The following PACSIN2 variants were observed in gnomAD, a reference collection of about 807,000 sequenced individuals.
PACSIN2 encodes protein kinase C and casein kinase substrate in neurons protein 2.
In PACSIN2, 25 loss-of-function variants were observed where a neutral mutation model predicts 63.8. The ratio of observed to expected loss-of-function variants is 0.39; its 90% CI spans 0.29 to 0.55. The LOEUF is 0.55. PACSIN2 is among the 20% of genes least tolerant of loss of function. PACSIN2 has a pLI of 0.62. For synonymous variants in PACSIN2, 255 were observed against 256.2 expected (o/e 1.00, Z 0.05); for missense variants, 518 against 646.9 (o/e 0.80, Z 2.16).
At position 42,870,884 on chromosome 22, in the gene PACSIN2, A is replaced by T. The variant is rs1339973432; in HGVS notation, c.*473T>A. On this transcript the variant is annotated 3_prime_UTR_variant, in exon 11 of 11. Coordinates refer to ENST00000263246, the MANE Select transcript of PACSIN2 (RefSeq NM_001184970.3). Reference sequence around the variant, plus strand: ...TGCGCATCAATCTGTGCCATAATTTAAGTAGAAATGAACAGGTGTATAAAA... The same window carrying T: ...TGCGCATCAATCTGTGCCATAATTTTAGTAGAAATGAACAGGTGTATAAAA... The T allele has an allele frequency of 1.2e-5, 2 of 165,084 alleles. No individual in the cohort carries two copies. The highest frequency in any genetic ancestry group is 2.7e-5 in the Non-Finnish European group (2 of 74,748). 10.2% of individuals were successfully genotyped at this position (165,084 alleles called of 1,614,324 possible).
intron 2 of PACSIN2, among the ~76,000 whole-genome samples, chr22:42,906,632 G>A (rs115607093): frequency 9.3e-4 from 142 of 152,256 alleles, no homozygotes; most frequent in African/African-American, 3.4e-3. Flanking sequence ...TTTTCTCACT[G>A]GCTTAGAAGG....
chr22:42,930,820 A>G (rs1170068688), intron 1 of PACSIN2, among the ~76,000 whole-genome samples: 2 of 152,232 alleles, frequency 1.3e-5, no homozygotes, highest in Non-Finnish European at 2.9e-5. Context: ...TCACACAACT[A>G]GTAAGGGGCA....
chr22:42,934,683 C>G (rs1376170419), intron 1 of PACSIN2, among the ~76,000 whole-genome samples: 1 of 152,222 alleles, frequency 6.6e-6, no homozygotes, highest in African/African-American at 2.4e-5. Context: ...GACCCTTTGC[C>G]CACCACTGTC....
intron 1 of PACSIN2, among the ~76,000 whole-genome samples, chr22:42,980,477 T>C (rs1204699814): frequency 9.7e-4 from 138 of 142,484 alleles, no homozygotes; most frequent in African/African-American, 3.5e-3. Flanking sequence ...CCTCTCCCTC[T>C]CCCTCTCCCC....
intron 2 of PACSIN2, among the ~76,000 whole-genome samples, chr22:42,903,167 C>A (rs1287425195): frequency 6.6e-6 from 1 of 152,178 alleles, no homozygotes; most frequent in Non-Finnish European, 1.5e-5. Context: ...AACCCACGTC[C>A]CAGGCAGCTA....
chr22:42,915,118 T>C (rs1311087369), intron 1 of PACSIN2, among the ~76,000 whole-genome samples: 2 of 152,180 alleles, frequency 1.3e-5, no homozygotes, highest in African/African-American at 4.8e-5. Flanking sequence ...TCCTCCTGCC[T>C]TGGCCTCCCA....
chr22:43,003,673 C>T (rs112471921), intron 1 of PACSIN2, among the ~76,000 whole-genome samples: 1 of 152,206 alleles, frequency 6.6e-6, no homozygotes, highest in Admixed American at 6.5e-5. Context: ...GATATCACAA[C>T]GTTGACAAAA....
chr22:43,002,787 A>G (rs928762531), intron 1 of PACSIN2, among the ~76,000 whole-genome samples: 16 of 152,242 alleles, frequency 1.1e-4, no homozygotes, highest in African/African-American at 3.6e-4. Context: ...GAAATAACCT[A>G]AAATGTCCAG....
In PACSIN2 at chr22:42,874,639, T is replaced by C. The variant is rs568008582; in HGVS notation, c.1348+1498A>G. Reference sequence around the variant, plus strand: ...GGCTTCTCTGGCAGTTGGGGACCCCTAGAGAAAGGCTTCTCTCATGGCCCT... The same window carrying C: ...GGCTTCTCTGGCAGTTGGGGACCCCCAGAGAAAGGCTTCTCTCATGGCCCT... On this transcript the variant is annotated intron_variant, in intron 10 of 10. Transcript: ENST00000263246. 3.4e-4 allele frequency among the ~76,000 whole-genome samples: 52 copies of C among 152,290 alleles called. No homozygotes were observed. The South Asian group carries it at 9.7e-3, about 29-fold the overall frequency.
intron 4 of PACSIN2, among the ~76,000 whole-genome samples, chr22:42,890,691 GGAGA>G (rs377688332): frequency 6.6e-6 from 1 of 152,178 alleles, no homozygotes; most frequent in Non-Finnish European, 1.5e-5. Flanking sequence ...CTCCAGCCTG[GGAGA>G]GAGAGTGAGA....
At chr22:42,939,691 C>T (rs957805938) in intron 1 of PACSIN2, among the ~76,000 whole-genome samples, 8 of 152,160 alleles carry the variant, frequency 5.3e-5, no homozygotes, top group Non-Finnish European at 8.8e-5. Context: ...TTCTTGTGCC[C>T]GCTCTGGCTT....
At chr22:43,011,213 C>T (rs1924467830) in intron 1 of PACSIN2, among the ~76,000 whole-genome samples, 1 of 152,212 alleles carries the variant, frequency 6.6e-6, no homozygotes, top group Non-Finnish European at 1.5e-5. Context: ...GGAATGCAAA[C>T]TGCCTTCGTA....
At chr22:42,971,347 G>A (rs914634638) in intron 1 of PACSIN2, among the ~76,000 whole-genome samples, 2 of 152,220 alleles carry the variant, frequency 1.3e-5, no homozygotes, top group Non-Finnish European at 2.9e-5. Flanking sequence ...TCAGCCTCCC[G>A]AGGTGCCAGG....
intron 2 of PACSIN2, among the ~76,000 whole-genome samples, chr22:42,906,211 C>A (rs1265919902): frequency 6.6e-6 from 1 of 152,248 alleles, no homozygotes; most frequent in Non-Finnish European, 1.5e-5. Flanking sequence ...TCAGGCCAGG[C>A]ATGAGCCTGA....
chr22:42,905,006 A>G (rs543276906), intron 2 of PACSIN2, among the ~76,000 whole-genome samples: 2 of 152,376 alleles, frequency 1.3e-5, no homozygotes, highest in Non-Finnish European at 2.9e-5. Context: ...CTGAATAGAA[A>G]GGAAAAATGT....
At chr22:42,975,389 CAGG>C (rs761522381) in intron 1 of PACSIN2, among the ~76,000 whole-genome samples, 18 of 151,054 alleles carry the variant, frequency 1.2e-4, no homozygotes, top group Non-Finnish European at 2.4e-4. Context: ...GAGGCTGAGG[CAGG>C]AGAATTGCTC....
chr22:43,004,984 A>C (rs1357117161), intron 1 of PACSIN2, among the ~76,000 whole-genome samples: 1 of 152,266 alleles, frequency 6.6e-6, no homozygotes, highest in Non-Finnish European at 1.5e-5. Flanking sequence ...TTCTTGGTAA[A>C]ATGCAAATGC....
chr22:42,946,411 C>T (rs376264946), intron 1 of PACSIN2, among the ~76,000 whole-genome samples: 37 of 152,288 alleles, frequency 2.4e-4, no homozygotes, highest in African/African-American at 8.4e-4. Flanking sequence ...CTGAGCCTGG[C>T]GAGAGCAGCA....
At chr22:42,961,680 C>T (rs149584436) in intron 1 of PACSIN2, among the ~76,000 whole-genome samples, 1,611 of 151,952 alleles carry the variant, frequency 0.011, 60 homozygotes, top group Admixed American at 0.081. Flanking sequence ...GGCTGAGGCA[C>T]GAGAATCGCT....
Sources: allele counts gnomAD v4.1 joint callset (sites outside exome capture counted in the v4.1 genomes callset), GRCh38; gene constraint gnomAD v4.1.1; transcripts MANE v1.5; gene names NCBI Gene and HGNC (gene_info 2026-07-23, HGNC 2026-07-21).